The following WDFY4 variants were observed in gnomAD, a reference collection of about 807,000 sequenced individuals.
The protein encoded by WDFY4 is WDFY family member 4.
A neutral mutation model predicts 351.9 loss-of-function variants in WDFY4; 169 were observed. The observed-to-expected ratio is 0.48, with a 90% CI of 0.42 to 0.55. The LOEUF (loss-of-function observed/expected upper bound fraction) is 0.55. Among genes scored for constraint, WDFY4 ranks in the 20% least tolerant of loss-of-function variants. The probability of loss-of-function intolerance (pLI) is 0.00; values close to 1 mark genes in which losing one functional copy is unlikely to be tolerated. For synonymous variants in WDFY4, 1,622 were observed against 1,574.6 expected, an observed-to-expected ratio of 1.03 and a Z score of -0.71; for missense variants, 3,803 against 3,935.6, an observed-to-expected ratio of 0.97 and a Z score of 0.90.
chr10:48,773,173 A>G (rs1165021395), intron 13 of WDFY4, among the ~76,000 whole-genome samples: 1 of 152,202 alleles, frequency 6.6e-6, no homozygotes, highest in South Asian at 2.1e-4. Flanking sequence ...GTGGAGAAAT[A>G]GGAACACTTT....
chr10:48,884,515 A>G lies in WDFY4; in HGVS notation c.7168-6064A>G, dbSNP rs543008457. Among the ~76,000 whole-genome samples the G allele has an allele frequency of 5.9e-5, 9 of 152,042 alleles. No individual in the cohort carries two copies. The South Asian group carries it at 1.9e-3, about 32-fold the overall frequency. On this transcript the variant is annotated intron_variant, in intron 43 of 61. Coordinates refer to ENST00000325239, the MANE Select transcript of WDFY4 (RefSeq NM_001394531.1). ...ATGCATGCACAGACACACATGTGCA[A>G]CCACATGCACACACATACATGTGTG...
At chr10:48,804,529 A>T (rs949767047) in intron 25 of WDFY4, among the ~76,000 whole-genome samples, 2 of 147,354 alleles carry the variant, frequency 1.4e-5, no homozygotes, top group Admixed American at 6.8e-5. Context: ...TGTATCAGGG[A>T]GATGGAGCTC....
rs539352738 is a variant in WDFY4 at position 48,957,281 on chromosome 10, C to T, written c.8130C>T (p.Phe2710=). 1.3e-5 allele frequency: 20 copies of T among 1,550,696 alleles called. No homozygotes were observed. The highest frequency in any genetic ancestry group is 1.7e-4 in the Middle Eastern group (1 of 5,984). ...EFLTNCNGVE[F]GCMQDGTVLG... ...TAACCAACTGCAACGGGGTAGAGTT[C>T]GGTAAGTGGAGGCCTGGTGAGGCCG... The change falls in exon 52 of 62, where the codon TTC becomes TTT. Residue 2710 remains phenylalanine, a splice_region_variant and synonymous_variant. Transcript: ENST00000325239.
intron 48 of WDFY4, among the ~76,000 whole-genome samples, chr10:48,942,335 A>C (rs1223330082): frequency 1.3e-5 from 2 of 152,212 alleles, no homozygotes; most frequent in East Asian, 3.9e-4. Flanking sequence ...GATGGAGTAC[A>C]AATCTTGCAC....
At chr10:48,914,395 CTG>C (rs1838307513) in intron 47 of WDFY4, among the ~76,000 whole-genome samples, 1 of 152,308 alleles carries the variant, frequency 6.6e-6, no homozygotes, top group African/African-American at 2.4e-5. Flanking sequence ...TGTCAGCAAA[CTG>C]TGTGACTTCT....
rs115281165 is a variant in WDFY4 at position 48,813,880 on chromosome 10, A to G, written c.5215-77A>G. On this transcript the variant is annotated intron_variant, in intron 30 of 61. Coordinates refer to ENST00000325239, the MANE Select transcript of WDFY4 (RefSeq NM_001394531.1). ...TTTCCCACTGGGAACCCCTGGAAAC[A>G]TGATGAACTGGCTGCAAAGCTCGTT... is the stretch of plus-strand genomic sequence containing the variant. The G allele has an allele frequency of 7.3e-4, 1,031 of 1,404,810 alleles. 6 individuals are homozygous for G. The African/African-American group carries it at 0.013, about 18-fold the overall frequency. 87.0% of individuals were successfully genotyped at this position (1,404,810 alleles called of 1,614,324 possible).
At chr10:48,913,723 C>A (rs898631842) in intron 47 of WDFY4, 1 of 1,613,056 alleles carries the variant, frequency 6.2e-7, no homozygotes, top group East Asian at 2.2e-5. Flanking sequence ...TCGTGGAGCT[C>A]CTTCAGGGCC....
chr10:48,685,504 C>T (rs1310055913), intron 1 of WDFY4, among the ~76,000 whole-genome samples: 2 of 152,178 alleles, frequency 1.3e-5, no homozygotes, highest in African/African-American at 2.4e-5. Context: ...TGGTCTATCC[C>T]GGCCCTGTCA....
At chr10:48,706,460 T>G (rs2063630591) in intron 1 of WDFY4, among the ~76,000 whole-genome samples, 1 of 152,096 alleles carries the variant, frequency 6.6e-6, no homozygotes, top group Admixed American at 6.5e-5. Context: ...CATACTTAGC[T>G]CCTCACTCTG....
intron 17 of WDFY4, 122 bp downstream of exon 17, chr10:48,777,617 G>A (rs1461755713): frequency 2.0e-6 from 2 of 982,782 alleles, no homozygotes; most frequent in South Asian, 3.0e-5. Context: ...TGGGCATGGT[G>A]GCTCACACCT....
rs767767458 is a variant in WDFY4, at chr10:48,731,351, C to T, written c.1371C>T (p.Phe457=). The T allele has an allele frequency of 4.8e-5, 74 of 1,551,794 alleles. No homozygotes were observed. The East Asian group carries it at 1.0e-3, about 22-fold the overall frequency. Residue 457 remains phenylalanine (F), a synonymous_variant, in exon 9 of 62, where the codon TTC becomes TTT. Transcript: ENST00000325239. ...HFFQLLEALV[F]ELHYVPHEIL... is the part of the protein sequence containing the mutation. ...TCCAGCTTCTAGAGGCCCTGGTGTTCGAGCTGCACTACGTGCCTCATGAGA... is the reference window on the plus strand; with the variant it reads ...TCCAGCTTCTAGAGGCCCTGGTGTTTGAGCTGCACTACGTGCCTCATGAGA...
chr10:48,739,847 G>T (rs2064796023), intron 11 of WDFY4, among the ~76,000 whole-genome samples: 2 of 152,250 alleles, frequency 1.3e-5, no homozygotes, highest in East Asian at 1.9e-4. Flanking sequence ...TGATTATTGG[G>T]TTGCTTTGCT....
intron 39 of WDFY4, among the ~76,000 whole-genome samples, chr10:48,836,318 A>G (rs2068392177): frequency 1.3e-5 from 2 of 152,322 alleles, no homozygotes; most frequent in South Asian, 4.1e-4. Flanking sequence ...TTCCCTAAAT[A>G]TGCCCACATC....
chr10:48,933,804 G>A (rs1840180902), intron 47 of WDFY4, among the ~76,000 whole-genome samples: 1 of 152,084 alleles, frequency 6.6e-6, no homozygotes, highest in South Asian at 2.1e-4. Context: ...GTGTTCTAGG[G>A]TTTCAGGGGC....
chr10:48,801,896 G>A (rs1282580509), intron 24 of WDFY4, among the ~76,000 whole-genome samples: 2 of 152,054 alleles, frequency 1.3e-5, no homozygotes, highest in Admixed American at 6.6e-5. Context: ...TTCAAGCAAG[G>A]TTGAGTATTG....
intron 2 of WDFY4, among the ~76,000 whole-genome samples, chr10:48,715,781 A>G (rs1460989622): frequency 2.8e-5 from 4 of 143,692 alleles, no homozygotes; most frequent in Admixed American, 2.8e-4. Context: ...GCCGGCCACC[A>G]CTCCTGGCTA....
chr10:48,721,568 G>A (rs1452004712), intron 4 of WDFY4, among the ~76,000 whole-genome samples: 1 of 152,188 alleles, frequency 6.6e-6, no homozygotes, highest in Admixed American at 6.5e-5. Flanking sequence ...GACAAGCTGT[G>A]TGTAACTGTG....
chr10:48,830,977 C>A, intron 38 of WDFY4, 92 bp downstream of exon 38: 1 of 1,245,980 alleles, frequency 8.0e-7, no homozygotes, highest in Non-Finnish European at 1.1e-6. Context: ...AGAGCCTTTT[C>A]CACCTGGACC....
At chr10:48,920,855 T>C (rs1486396978) in intron 47 of WDFY4, among the ~76,000 whole-genome samples, 2 of 152,230 alleles carry the variant, frequency 1.3e-5, no homozygotes, top group African/African-American at 4.8e-5. Flanking sequence ...TGCATTTCCA[T>C]ATTACTAGCT....
Sources: gnomAD v4.1 joint callset for allele counts (sites outside exome capture counted in the v4.1 genomes callset) on GRCh38, gnomAD v4.1.1 for gene constraint, MANE v1.5 for transcripts, NCBI Gene and HGNC (gene_info 2026-07-23, HGNC 2026-07-21) for gene names.